The following PARD3 variants were observed in gnomAD, a reference collection of about 807,000 sequenced individuals.
PARD3 encodes par-3 family cell polarity regulator, also known as partitioning defective 3 homolog.
PARD3 carries 75 observed loss-of-function variants against 155.4 expected under a neutral mutation model. The ratio of observed to expected loss-of-function variants is 0.48; its 90% confidence interval spans 0.40 to 0.58. PARD3 has a LOEUF of 0.58. Among genes scored for constraint, PARD3 ranks in the 20% least tolerant of loss-of-function variants. The probability of loss-of-function intolerance (pLI) is 0.00; values close to 1 mark genes in which losing one functional copy is unlikely to be tolerated. For missense variants in PARD3, 1,642 were observed against 1,721.7 expected (o/e 0.95, Z 0.82); for synonymous variants, 576 against 610.5 (o/e 0.94, Z 0.83).
At chr10:34,632,588 G>A (rs894311912) in intron 2 of PARD3, among the ~76,000 whole-genome samples, 6 of 152,188 alleles carry the variant, frequency 3.9e-5, no homozygotes, top group African/African-American at 1.2e-4. Flanking sequence ...CAGCTCCTCT[G>A]GCATCTGTAC....
intron 2 of PARD3, among the ~76,000 whole-genome samples, chr10:34,674,003 A>G (rs77549757): frequency 0.27 from 39,532 of 144,294 alleles, 6,713 homozygotes; most frequent in Non-Finnish European, 0.37. Flanking sequence ...AAAAACAAAC[A>G]AACAGGAGGA....
chr10:34,530,871 C>T (rs539615994), intron 2 of PARD3, among the ~76,000 whole-genome samples: 71 of 152,304 alleles, frequency 4.7e-4, no homozygotes, highest in African/African-American at 1.7e-3. Flanking sequence ...TAGACTACTT[C>T]AACGCCTTGA....
intron 21 of PARD3, among the ~76,000 whole-genome samples, chr10:34,272,728 ACAAACAAACAAT>A (rs1273893022): frequency 1.3e-5 from 2 of 152,180 alleles, no homozygotes; most frequent in South Asian, 2.1e-4. Context: ...CCTGACTCAA[ACAAACAAACAAT>A]CAAACAAACA....
chr10:34,797,203 T>C (rs1842361653), intron 1 of PARD3, among the ~76,000 whole-genome samples: 2 of 152,204 alleles, frequency 1.3e-5, no homozygotes, highest in African/African-American at 2.4e-5. Flanking sequence ...CAGGCTGCAG[T>C]GCAGGGGCAC....
chr10:34,750,462 AACACACACACACACACACAC>A (rs71033348), intron 1 of PARD3, among the ~76,000 whole-genome samples: 4 of 135,842 alleles, frequency 2.9e-5, no homozygotes, highest in Non-Finnish European at 4.7e-5. Context: ...CTCTCTTTCA[AACACACACACACACACACAC>A]ACACACACAC....
At chr10:34,469,460 A>C (rs1387797406) in intron 4 of PARD3, among the ~76,000 whole-genome samples, 1 of 152,202 alleles carries the variant, frequency 6.6e-6, no homozygotes, top group Non-Finnish European at 1.5e-5. Context: ...TTCTTTATTC[A>C]GATTAAATAA....
At chr10:34,546,543 TTG>T (rs201093761) in intron 2 of PARD3, among the ~76,000 whole-genome samples, 242 of 150,680 alleles carry the variant, frequency 1.6e-3, no homozygotes, top group Middle Eastern at 3.4e-3. Flanking sequence ...AATTTTGTTG[TTG>T]TTTTTTTTTG....
rs191236966 is a variant in PARD3 at position 34,585,998 on chromosome 10, G to A, written c.223-68839C>T. ...CAGGTTATTCCAGACCTGAGAATCA[G>A]AATCCTCCACAAGATTTTTATCAGT... On this transcript the variant is annotated intron_variant, in intron 2 of 24. Coordinates refer to ENST00000374788, the MANE Select transcript of PARD3 (RefSeq NM_001184785.2). 2.6e-5 allele frequency among the ~76,000 whole-genome samples: 4 copies of A among 151,842 alleles called. No homozygotes were observed. In the East Asian group the frequency reaches 7.8e-4, roughly 29 times the overall value.
In PARD3 at chr10:34,814,809, G is replaced by C. The variant is rs1252798643; in HGVS notation, c.120+67C>G. The C allele has an allele frequency of 3.2e-6, 4 of 1,269,768 alleles. No individual in the cohort carries two copies. The South Asian group carries it at 5.4e-5, about 17-fold the overall frequency. 78.7% of individuals were successfully genotyped at this position (1,269,768 alleles called of 1,614,324 possible). A position where few individuals can be genotyped will look rare whatever the true frequency, so the allele number is the denominator to read the frequency against. ...GCGCCTCTCCTCCCCCTTCCAGGAA[G>C]CGCCATATTGATCCCGGCGCCGTCC... On this transcript the variant is annotated intron_variant, in intron 1 of 24. Transcript: ENST00000374788.
chr10:34,743,634 G>C (rs1037985988), intron 1 of PARD3, among the ~76,000 whole-genome samples: 1 of 152,194 alleles, frequency 6.6e-6, no homozygotes, highest in Admixed American at 6.5e-5. Context: ...GCTTTCTCGA[G>C]CCACAAAGAC....
chr10:34,166,519 A>C (rs1949534764), intron 22 of PARD3, among the ~76,000 whole-genome samples: 1 of 151,982 alleles, frequency 6.6e-6, no homozygotes. Context: ...TCAGGAGGCT[A>C]AGGCGGGGGC....
intron 3 of PARD3, among the ~76,000 whole-genome samples, chr10:34,479,446 C>A (rs1305812011): frequency 6.6e-6 from 1 of 152,102 alleles, no homozygotes; most frequent in Admixed American, 6.5e-5. Flanking sequence ...CTTTGGGGCG[C>A]GTGAGCCACG....
intron 2 of PARD3, among the ~76,000 whole-genome samples, chr10:34,551,660 G>A (rs994576758): frequency 4.6e-5 from 7 of 152,174 alleles, no homozygotes; most frequent in African/African-American, 1.4e-4. Flanking sequence ...GAGGCAGAAG[G>A]TTTCCCCAGC....
chr10:34,123,309 T>C (rs1947105214), intron 23 of PARD3, among the ~76,000 whole-genome samples: 1 of 152,200 alleles, frequency 6.6e-6, no homozygotes, highest in Admixed American at 6.5e-5. Context: ...TTTTTGTAAG[T>C]GGACTACAAA....
At chr10:34,307,142 G>A (rs1002043971) in intron 20 of PARD3, among the ~76,000 whole-genome samples, 8 of 151,964 alleles carry the variant, frequency 5.3e-5, no homozygotes, top group Non-Finnish European at 2.9e-5. Flanking sequence ...CGCCCACCTC[G>A]GCCTCCCAAA....
At chr10:34,188,503 T>C (rs928840275) in intron 22 of PARD3, among the ~76,000 whole-genome samples, 1 of 152,026 alleles carries the variant, frequency 6.6e-6, no homozygotes, top group African/African-American at 2.4e-5. Context: ...CAGAAAAGAA[T>C]TGCCCAGGAT....
rs544084171 is a variant in PARD3 at position 34,493,985 on chromosome 10, T to G, written c.403+22994A>C. Among the ~76,000 whole-genome samples the G allele has an allele frequency of 1.6e-3, 251 of 152,282 alleles. 2 individuals are homozygous for G. The highest frequency in any genetic ancestry group is 5.6e-3 in the African/African-American group (234 of 41,558). On this transcript the variant is annotated intron_variant, in intron 3 of 24. Coordinates refer to ENST00000374788, the MANE Select transcript of PARD3 (RefSeq NM_001184785.2). ...GGTAGCCTGAATCTGGCCATAATAC[T>G]CATATTTACACCATGGAAATGGGAA...
chr10:34,217,801 A>G (rs1952075991), intron 22 of PARD3, among the ~76,000 whole-genome samples: 1 of 152,190 alleles, frequency 6.6e-6, no homozygotes, highest in South Asian at 2.1e-4. Flanking sequence ...TAGGAACACA[A>G]TGTTGAACAA....
At chr10:34,343,236 TACTC>T in intron 15 of PARD3, 2 of 715,624 alleles carry the variant, frequency 2.8e-6, no homozygotes, top group Non-Finnish European at 3.4e-6. Flanking sequence ...AAATACCAAA[TACTC>T]ACACGGGCAT....
Sources: allele counts gnomAD v4.1 joint callset (sites outside exome capture counted in the v4.1 genomes callset), GRCh38; gene constraint gnomAD v4.1.1; transcripts MANE v1.5; gene names NCBI Gene and HGNC (gene_info 2026-07-23, HGNC 2026-07-21).